GPC5: variants seen among roughly 807,000 people sequenced by gnomAD.
GPC5 encodes glypican-5.
Under a neutral mutation model 53.9 loss-of-function variants are expected in GPC5, and 47 were observed. That is an observed-to-expected ratio of 0.87 (90% CI 0.69 to 1.11). GPC5 has a LOEUF of 1.11. Ranked by LOEUF, GPC5 falls within the 50% of genes most tolerant of loss-of-function variation. GPC5 has a pLI of 0.00. For synonymous variants in GPC5, 286 were observed against 263.3 expected (o/e 1.09, Z -0.84); for missense variants, 748 against 713.1 (o/e 1.05, Z -0.56).
At chr13:91,541,426 C>A (rs957129394) in intron 2 of GPC5, among the ~76,000 whole-genome samples, 10 of 152,124 alleles carry the variant, frequency 6.6e-5, no homozygotes, top group Non-Finnish European at 1.3e-4. Flanking sequence ...TTATAAACTG[C>A]ATTCTTAGAT....
intron 5 of GPC5, among the ~76,000 whole-genome samples, chr13:91,821,004 T>G (rs1409204821): frequency 6.6e-6 from 1 of 151,824 alleles, no homozygotes; most frequent in African/African-American, 2.4e-5. Context: ...AAAAAGAATG[T>G]ACTTCCAGAT....
At chr13:91,447,342 T>C (rs1880875898) in intron 1 of GPC5, among the ~76,000 whole-genome samples, 1 of 152,114 alleles carries the variant, frequency 6.6e-6, no homozygotes, top group African/African-American at 2.4e-5. Flanking sequence ...TTTTTTTTTT[T>C]TCAAATAATT....
At chr13:92,634,693 A>C (rs1885358280) in intron 7 of GPC5, among the ~76,000 whole-genome samples, 1 of 151,914 alleles carries the variant, frequency 6.6e-6, no homozygotes, top group African/African-American at 2.4e-5. Context: ...TGGGGTATAC[A>C]TTTTTATTCC....
At chr13:91,749,541 A>AATAGTGGAATTGCTGGG (rs1458637818) in intron 4 of GPC5, among the ~76,000 whole-genome samples, 5 of 152,210 alleles carry the variant, frequency 3.3e-5, no homozygotes, top group Non-Finnish European at 7.3e-5. Flanking sequence ...GTAAATACCA[A>AATAGTGGAATTGCTGGG]ATAGTGGAAT....
chr13:91,871,185 A>G (rs1337774972), intron 5 of GPC5, among the ~76,000 whole-genome samples: 1 of 152,208 alleles, frequency 6.6e-6, no homozygotes, highest in Non-Finnish European at 1.5e-5. Flanking sequence ...AACATTTTCA[A>G]TTTTAGATAT....
chr13:92,299,317 A>G (rs1283401605), intron 7 of GPC5, among the ~76,000 whole-genome samples: 8 of 152,194 alleles, frequency 5.3e-5, no homozygotes. Context: ...TGGAATAATG[A>G]AAGTCTCTTG....
intron 7 of GPC5, among the ~76,000 whole-genome samples, chr13:92,765,354 C>T (rs1875361058): frequency 6.6e-6 from 1 of 152,168 alleles, no homozygotes; most frequent in Non-Finnish European, 1.5e-5. Context: ...ACCCTTGAGG[C>T]ATCATTCTAC....
chr13:91,522,304 C>A (rs1379789456), intron 2 of GPC5, among the ~76,000 whole-genome samples: 1 of 152,086 alleles, frequency 6.6e-6, no homozygotes, highest in Non-Finnish European at 1.5e-5. Flanking sequence ...CCTGAAGCCC[C>A]CTATGGGCTT....
At chr13:91,946,064 T>G (rs2039971943) in intron 6 of GPC5, among the ~76,000 whole-genome samples, 1 of 152,120 alleles carries the variant, frequency 6.6e-6, no homozygotes, top group African/African-American at 2.4e-5. Context: ...TATTTGCTTG[T>G]GAGTCTCTAA....
At chr13:91,548,272 A>G (rs912215857) in intron 2 of GPC5, among the ~76,000 whole-genome samples, 1 of 152,346 alleles carries the variant, frequency 6.6e-6, no homozygotes, top group Admixed American at 6.5e-5. Context: ...GCAAGGATGT[A>G]GGACGCAAGG....
chr13:91,957,828 AC>A (rs2040088035), intron 6 of GPC5, among the ~76,000 whole-genome samples: 1 of 152,114 alleles, frequency 6.6e-6, no homozygotes, highest in Non-Finnish European at 1.5e-5. Flanking sequence ...GATGATATCT[AC>A]CATCATAAAA....
chr13:91,801,799 G>T (rs550922967), intron 5 of GPC5, among the ~76,000 whole-genome samples: 1 of 152,118 alleles, frequency 6.6e-6, no homozygotes, highest in African/African-American at 2.4e-5. Flanking sequence ...CAAATAGTTA[G>T]TTGCACCAGT....
intron 5 of GPC5, among the ~76,000 whole-genome samples, chr13:91,901,918 C>T (rs527645741): frequency 4.0e-5 from 6 of 151,836 alleles, no homozygotes; most frequent in Admixed American, 6.6e-5. Context: ...GAATAACAAC[C>T]ACAACATGGC....
At chr13:92,564,950 G>A (rs981392980) in intron 7 of GPC5, among the ~76,000 whole-genome samples, 1 of 151,904 alleles carries the variant, frequency 6.6e-6, no homozygotes, top group Admixed American at 6.6e-5. Context: ...TTTACAATTG[G>A]CAAATCAAAG....
intron 2 of GPC5, among the ~76,000 whole-genome samples, chr13:91,456,588 T>C (rs567873899): frequency 6.6e-5 from 10 of 152,132 alleles, no homozygotes; most frequent in African/African-American, 2.4e-4. Context: ...AATAGCATTT[T>C]TCTAATTAAT....
intron 7 of GPC5, among the ~76,000 whole-genome samples, chr13:92,702,482 C>T: frequency 6.6e-6 from 1 of 152,006 alleles, no homozygotes; most frequent in East Asian, 1.9e-4. Context: ...GATATTCTGG[C>T]CAAAAATCTT....
intron 2 of GPC5, among the ~76,000 whole-genome samples, chr13:91,489,565 G>A (rs552228279): frequency 1.3e-3 from 203 of 152,250 alleles, no homozygotes; most frequent in Non-Finnish European, 2.5e-3. Flanking sequence ...AATTATTTCA[G>A]TTTGAATAGT....
chr13:91,813,331 A>T (rs539506214), intron 5 of GPC5, among the ~76,000 whole-genome samples: 5 of 152,232 alleles, frequency 3.3e-5, no homozygotes, highest in Non-Finnish European at 7.4e-5. Context: ...TGGAGCTCTG[A>T]GGGGAGCTTT....
chr13:92,456,889 T>C (rs536675768), intron 7 of GPC5, among the ~76,000 whole-genome samples: 37 of 152,276 alleles, frequency 2.4e-4, no homozygotes, highest in African/African-American at 8.9e-4. Context: ...TACATGTGCA[T>C]GTTTGTTACA....
Sources: gnomAD v4.1 joint callset for allele counts (sites outside exome capture counted in the v4.1 genomes callset) on GRCh38, gnomAD v4.1.1 for gene constraint, MANE v1.5 for transcripts, NCBI Gene and HGNC (gene_info 2026-07-23, HGNC 2026-07-21) for gene names.